HPCAL1: variants seen among roughly 807,000 people sequenced by gnomAD.
The protein encoded by HPCAL1 is hippocalcin-like protein 1.
HPCAL1 carries 8 observed loss-of-function variants against 17.1 expected under a neutral mutation model. The ratio of observed to expected loss-of-function variants is 0.47; its 90% CI spans 0.27 to 0.84. HPCAL1 has a LOEUF of 0.84. HPCAL1 is among the 40% of genes least tolerant of loss of function. HPCAL1 has a pLI of 0.13. For missense variants in HPCAL1, 165 were observed against 271.1 expected (o/e 0.61, Z 2.75); for synonymous variants, 112 against 111.4 (o/e 1.01, Z -0.03).
At chr2:10,353,365 G>A (rs988339444) in intron 1 of HPCAL1, among the ~76,000 whole-genome samples, 2 of 152,164 alleles carry the variant, frequency 1.3e-5, no homozygotes, top group African/African-American at 4.8e-5. Flanking sequence ...AAGAGTGTCT[G>A]TAGAGCAGAG....
chr2:10,421,954 C>T (rs1350477638), intron 3 of HPCAL1, among the ~76,000 whole-genome samples: 6 of 152,182 alleles, frequency 3.9e-5, no homozygotes, highest in Non-Finnish European at 5.9e-5. Flanking sequence ...CATGCAGTGG[C>T]GGAAGTAAGA....
chr2:10,387,934 A>C (rs1395863249), intron 1 of HPCAL1, among the ~76,000 whole-genome samples: 1 of 152,164 alleles, frequency 6.6e-6, no homozygotes, highest in African/African-American at 2.4e-5. Flanking sequence ...TTGCCACTGA[A>C]ATCACAGGTG....
At chr2:10,348,616 T>A (rs956627979) in intron 1 of HPCAL1, among the ~76,000 whole-genome samples, 16 of 148,918 alleles carry the variant, frequency 1.1e-4, no homozygotes, top group Middle Eastern at 3.4e-3. Flanking sequence ...AAAAAAAATA[T>A]ATATATATAT....
intron 2 of HPCAL1, among the ~76,000 whole-genome samples, chr2:10,400,292 G>T (rs1287610245): frequency 6.6e-6 from 1 of 152,200 alleles, no homozygotes; most frequent in African/African-American, 2.4e-5. Flanking sequence ...CAGCATCTCG[G>T]CACAGCCAGA....
chr2:10,314,622 C>G (rs950847883), intron 1 of HPCAL1, among the ~76,000 whole-genome samples: 3 of 152,130 alleles, frequency 2.0e-5, no homozygotes, highest in African/African-American at 7.2e-5. Context: ...TTGTTGCTTT[C>G]CTCATTATAA....
chr2:10,327,644 C>CT (rs1243529023), intron 1 of HPCAL1, among the ~76,000 whole-genome samples: 26 of 151,498 alleles, frequency 1.7e-4, no homozygotes, highest in East Asian at 3.9e-4. Context: ...GGATCAATGG[C>CT]TTTTTTTTTC....
In HPCAL1 at chr2:10,426,585, C is replaced by G. The variant is rs574972795; in HGVS notation, c.485-139C>G. On this transcript the variant is annotated intron_variant, in intron 4 of 4. Coordinates refer to ENST00000307845, the MANE Select transcript of HPCAL1 (RefSeq NM_002149.4). ...GAAATGCCTGTAAAGTGAATGGAGA[C>G]TAGACACCGTCCAGCTTCAAGAAGG... 1.8e-4 allele frequency: 131 copies of G among 718,242 alleles called. No individual in the cohort carries two copies. The African/African-American group carries it at 2.2e-3, about 12-fold the overall frequency. 44.5% of individuals were successfully genotyped at this position (718,242 alleles called of 1,614,324 possible).
chr2:10,324,619 A>G (rs1466844325), intron 1 of HPCAL1, among the ~76,000 whole-genome samples: 1 of 151,976 alleles, frequency 6.6e-6, no homozygotes, highest in Non-Finnish European at 1.5e-5. Context: ...GGAAATGCAA[A>G]TGATAGGAAA....
At chr2:10,317,479 G>A (rs13384947) in intron 1 of HPCAL1, among the ~76,000 whole-genome samples, 6,389 of 150,124 alleles carry the variant, frequency 0.043, 456 homozygotes, top group African/African-American at 0.15. Context: ...GTGCAGTGGC[G>A]TGATCTCGGT....
intron 2 of HPCAL1, among the ~76,000 whole-genome samples, chr2:10,403,324 C>T (rs1022909521): frequency 7.6e-6 from 1 of 131,292 alleles, no homozygotes; most frequent in African/African-American, 2.6e-5. Context: ...AGGGGCCACA[C>T]TGTCCAAACA....
intron 1 of HPCAL1, among the ~76,000 whole-genome samples, chr2:10,338,268 T>TAGGAC (rs1664841610): frequency 6.6e-6 from 1 of 152,064 alleles, no homozygotes; most frequent in Non-Finnish European, 1.5e-5. Context: ...GTGGTGGCTG[T>TAGGAC]AGGACCTGGT....
chr2:10,386,788 C>A (rs1237131191), intron 1 of HPCAL1, among the ~76,000 whole-genome samples: 1 of 152,208 alleles, frequency 6.6e-6, no homozygotes, highest in Non-Finnish European at 1.5e-5. Flanking sequence ...GCTGCCTGGA[C>A]CCCTTCCACC....
At position 10,344,362 on chromosome 2, in the gene HPCAL1, C is replaced by G. The variant is rs559654376; in HGVS notation, c.-111+41185C>G. Among the ~76,000 whole-genome samples the G allele has an allele frequency of 6.6e-6, 1 of 152,336 alleles. No homozygotes were observed. Among genetic ancestry groups the G allele is most frequent in the African/African-American group, 2.4e-5 (1 of 41,566 alleles). ...AGGCCATGTGCCAGCAAGGGGGGCCCCGAAGTGCCGCTAGGTGCCTCACGA... is the reference window on the plus strand; with the variant it reads ...AGGCCATGTGCCAGCAAGGGGGGCCGCGAAGTGCCGCTAGGTGCCTCACGA... On this transcript the variant is annotated intron_variant, in intron 1 of 4. Coordinates refer to ENST00000307845, the MANE Select transcript of HPCAL1 (RefSeq NM_002149.4). This position sits in a 1 kb window ranked among gnomAD's most constrained non-coding sequence, Gnocchi z 4.9.
At chr2:10,415,829 G>A (rs775941523) in intron 2 of HPCAL1, among the ~76,000 whole-genome samples, 4 of 152,190 alleles carry the variant, frequency 2.6e-5, no homozygotes, top group African/African-American at 9.7e-5. Context: ...CCCGGAGCCT[G>A]GCTTGGTGCC....
At chr2:10,353,557 G>T (rs1665956376) in intron 1 of HPCAL1, among the ~76,000 whole-genome samples, 1 of 152,110 alleles carries the variant, frequency 6.6e-6, no homozygotes, top group Non-Finnish European at 1.5e-5. Flanking sequence ...CTCTGGGCAG[G>T]TTTCTTTTTA....
chr2:10,352,748 C>T (rs1665913221), intron 1 of HPCAL1, among the ~76,000 whole-genome samples: 1 of 152,200 alleles, frequency 6.6e-6, no homozygotes, highest in South Asian at 2.1e-4. Flanking sequence ...TGGTGCCCCC[C>T]ATCAGGAGGG....
intron 1 of HPCAL1, among the ~76,000 whole-genome samples, chr2:10,341,281 G>GA (rs1262004416): frequency 7.2e-5 from 11 of 151,986 alleles, no homozygotes; most frequent in African/African-American, 2.7e-4. Flanking sequence ...GCAACACGGT[G>GA]AAACCCCATC....
chr2:10,386,957 GC>G (rs1434358281), intron 1 of HPCAL1, among the ~76,000 whole-genome samples: 2 of 152,240 alleles, frequency 1.3e-5, no homozygotes, highest in Non-Finnish European at 2.9e-5. Flanking sequence ...CAGGGACAGT[GC>G]CCAGGGAGTG....
intron 1 of HPCAL1, among the ~76,000 whole-genome samples, chr2:10,371,525 G>T (rs1375941921): frequency 6.6e-6 from 1 of 152,148 alleles, no homozygotes. Context: ...GTCCTGCAGA[G>T]TCCTGTGTCC....
Sources: allele counts gnomAD v4.1 joint callset (sites outside exome capture counted in the v4.1 genomes callset), GRCh38; gene constraint gnomAD v4.1.1; non-coding constraint Gnocchi (gnomAD v3.1); transcripts MANE v1.5; gene names NCBI Gene and HGNC (gene_info 2026-07-23, HGNC 2026-07-21).